Variants in ANGPT4 observed in about 807,000 individuals in gnomAD.
ANGPT4 encodes the protein angiopoietin-4.
ANGPT4 carries 50 observed loss-of-function variants against 53.0 expected under a neutral mutation model. The ratio of observed to expected loss-of-function variants is 0.94; its 90% CI spans 0.75 to 1.20. ANGPT4 has a LOEUF of 1.20. ANGPT4 is among the 50% of genes most tolerant of loss of function. ANGPT4 has a pLI of 0.00. For missense variants in ANGPT4, 648 were observed against 637.1 expected (o/e 1.02, Z -0.18); for synonymous variants, 251 against 259.7 (o/e 0.97, Z 0.32).
At chr20:886,191 G>A (rs943819669) in intron 3 of ANGPT4, among the ~76,000 whole-genome samples, 1 of 152,158 alleles carries the variant, frequency 6.6e-6, no homozygotes, top group African/African-American at 2.4e-5. Flanking sequence ...CTTTCTTTTT[G>A]GACATTTTAT....
Position 873,842 on chromosome 20 carries a change from T to C in ANGPT4, c.1351+442A>G, listed in dbSNP as rs1201064983. Among the ~76,000 whole-genome samples the C allele has an allele frequency of 2.0e-5, 3 of 152,170 alleles. No individual in the cohort carries two copies. In the East Asian group the frequency reaches 5.8e-4, roughly 29 times the overall value. ...CTGTCTCTGTTCTTCTTACTTTGTC[T>C]CTGTCTCCCATTCACCCCACTTCCT... On this transcript the variant is annotated intron_variant, in intron 8 of 8. Coordinates refer to ENST00000381922, the MANE Select transcript of ANGPT4 (RefSeq NM_015985.4).
chr20:872,927 C>T lies in ANGPT4; in HGVS notation c.*33G>A. 6.2e-7 allele frequency: 1 copy of T among 1,612,400 alleles called. No individual in the cohort carries two copies. Among genetic ancestry groups the T allele is most frequent in the Non-Finnish European group, 8.5e-7 (1 of 1,179,242 alleles). On this transcript the variant is annotated 3_prime_UTR_variant, in exon 9 of 9. Coordinates refer to ENST00000381922, the MANE Select transcript of ANGPT4 (RefSeq NM_015985.4). ...CCAGGAGTGCCAAGTCCGAGCTTCT[C>T]CTGTGTGGTCCAGCCTCTGGCACAG...
At chr20:896,084 G>A (rs191850835) in intron 1 of ANGPT4, among the ~76,000 whole-genome samples, 1 of 152,048 alleles carries the variant, frequency 6.6e-6, no homozygotes, top group Non-Finnish European at 1.5e-5. Context: ...CCCAACACAA[G>A]GTTCTATAAA....
chr20:896,648 A>G (rs1195052703), intron 1 of ANGPT4, among the ~76,000 whole-genome samples: 1 of 152,200 alleles, frequency 6.6e-6, no homozygotes, highest in African/African-American at 2.4e-5. Flanking sequence ...CAATGCAGAG[A>G]GAGTAGTGCT....
intron 1 of ANGPT4, among the ~76,000 whole-genome samples, chr20:910,891 C>T (rs1982669801): frequency 6.6e-6 from 1 of 151,604 alleles, no homozygotes; most frequent in East Asian, 2.0e-4. Flanking sequence ...CCAGCTGTTT[C>T]CAGGCCCCCT....
chr20:896,383 G>C (rs1197159101), intron 1 of ANGPT4, among the ~76,000 whole-genome samples: 1 of 152,182 alleles, frequency 6.6e-6, no homozygotes, highest in African/African-American at 2.4e-5. Context: ...CAGTATGATG[G>C]AGAAAGCCCC....
At chr20:896,133 C>T (rs938787989) in intron 1 of ANGPT4, among the ~76,000 whole-genome samples, 1 of 152,198 alleles carries the variant, frequency 6.6e-6, no homozygotes, top group Middle Eastern at 3.2e-3. Context: ...AATAGATCTC[C>T]TCCAGTGAAC....
At chr20:899,453 C>T (rs2122838538) in intron 1 of ANGPT4, among the ~76,000 whole-genome samples, 1 of 152,082 alleles carries the variant, frequency 6.6e-6, no homozygotes, top group African/African-American at 2.4e-5. Flanking sequence ...CGGGGTTTCA[C>T]CGTGTTAGCC....
At chr20:881,964 G>A (rs1981427080) in intron 4 of ANGPT4, among the ~76,000 whole-genome samples, 1 of 152,204 alleles carries the variant, frequency 6.6e-6, no homozygotes, top group Non-Finnish European at 1.5e-5. Flanking sequence ...GCCCAAGAGT[G>A]AGGCAACTGG....
At chr20:886,465 T>TG (rs1472541469) in intron 3 of ANGPT4, among the ~76,000 whole-genome samples, 1 of 152,238 alleles carries the variant, frequency 6.6e-6, no homozygotes, top group Non-Finnish European at 1.5e-5. Flanking sequence ...AGGCTACATT[T>TG]GGGCTTAAAA....
chr20:883,387 A>G (rs955116018), intron 4 of ANGPT4, among the ~76,000 whole-genome samples: 1 of 152,242 alleles, frequency 6.6e-6, no homozygotes, highest in Non-Finnish European at 1.5e-5. Context: ...CAAACTCCCC[A>G]GTGCCTGGGA....
intron 1 of ANGPT4, among the ~76,000 whole-genome samples, chr20:901,139 CCCCAACACTTCACCTCTATTTTGTTTTGT>C (rs1443722935): frequency 6.6e-6 from 1 of 152,196 alleles, no homozygotes; most frequent in Non-Finnish European, 1.5e-5. Context: ...ATTTTCGCCA[CCCCAACACTTCACCTCTATTTTGTTTTGT>C]CCCAACACTT....
intron 8 of ANGPT4, among the ~76,000 whole-genome samples, chr20:874,003 T>TC (rs530959729): frequency 1.0e-3 from 155 of 151,980 alleles, no homozygotes; most frequent in African/African-American, 3.5e-3. Flanking sequence ...ATAGGGTGCC[T>TC]CCCCCCCGGG....
At chr20:913,865 G>A (rs534160119) in intron 1 of ANGPT4, among the ~76,000 whole-genome samples, 1 of 152,342 alleles carries the variant, frequency 6.6e-6, no homozygotes, top group East Asian at 1.9e-4. Flanking sequence ...CTGGGTGGTG[G>A]TGTCACCCTA....
intron 1 of ANGPT4, among the ~76,000 whole-genome samples, chr20:903,344 T>C (rs1982357257): frequency 6.6e-6 from 1 of 152,194 alleles, no homozygotes; most frequent in Non-Finnish European, 1.5e-5. Context: ...GCATCCAATC[T>C]GTTGTCTCTA....
intron 1 of ANGPT4, among the ~76,000 whole-genome samples, chr20:901,573 G>T (rs1398545261): frequency 1.3e-5 from 2 of 152,154 alleles, no homozygotes; most frequent in Non-Finnish European, 2.9e-5. Flanking sequence ...CCTGTTTGGT[G>T]GTCTCTTCAC....
chr20:877,574 G>A (rs1981218362), intron 7 of ANGPT4, among the ~76,000 whole-genome samples: 1 of 152,154 alleles, frequency 6.6e-6, no homozygotes. Context: ...AATGGTGCCT[G>A]GAACACAGTA....
intron 5 of ANGPT4, among the ~76,000 whole-genome samples, chr20:880,491 G>A (rs1301261202): frequency 1.3e-5 from 2 of 152,084 alleles, no homozygotes; most frequent in Admixed American, 6.6e-5. Flanking sequence ...GGGAGGCTGA[G>A]GCAGGAGGAT....
intron 1 of ANGPT4, among the ~76,000 whole-genome samples, chr20:913,839 A>T (rs1982808574): frequency 6.6e-6 from 1 of 152,228 alleles, no homozygotes; most frequent in East Asian, 1.9e-4. Flanking sequence ...GGAAGCCCCC[A>T]GGGCACAGCC....
Sources: gnomAD v4.1 joint callset for allele counts (sites outside exome capture counted in the v4.1 genomes callset) on GRCh38, gnomAD v4.1.1 for gene constraint, MANE v1.5 for transcripts, NCBI Gene and HGNC (gene_info 2026-07-23, HGNC 2026-07-21) for gene names.